AQP1: variants seen among roughly 807,000 people sequenced by gnomAD.
AQP1 encodes the protein aquaporin 1 (Colton blood group), also known as aquaporin-1.
In AQP1, 11 loss-of-function variants were observed where a neutral mutation model predicts 19.7. The observed-to-expected ratio is 0.56, with a 90% confidence interval of 0.35 to 0.92. The LOEUF (loss-of-function observed/expected upper bound fraction) is 0.92. AQP1 is among the 40% of genes least tolerant of loss of function. AQP1 has a pLI of 0.01. For missense variants in AQP1, 320 were observed against 369.7 expected (o/e 0.87, Z 1.10); for synonymous variants, 159 against 166.7 (o/e 0.95, Z 0.36).
chr7:30,922,318 C>T, intron 2 of AQP1, 88 bp downstream of exon 2: 2 of 1,496,042 alleles, frequency 1.3e-6, no homozygotes, highest in Non-Finnish European at 1.8e-6. Context: ...AGTGGGACTC[C>T]CGACAGGGCT....
rs907623223 is a variant in AQP1 at position 30,923,691 on chromosome 7, G to A, written c.*62G>A. The A allele has an allele frequency of 1.4e-5, 21 of 1,528,632 alleles. No individual in the cohort carries two copies. Among genetic ancestry groups the A allele is most frequent in the Non-Finnish European group, 1.8e-5 (20 of 1,136,558 alleles). The allele number at this position is 1,528,632 out of a possible 1,614,324, so 94.7% of individuals were successfully genotyped here. On this transcript the variant is annotated 3_prime_UTR_variant, in exon 4 of 4. Transcript: ENST00000311813. This position sits in a 1 kb window ranked among gnomAD's most constrained non-coding sequence, Gnocchi z 4.8. ...GGCAGGGGCGGGCGGAGGGAGGGGA[G>A]GGGTGAAATCCATACTGTAGACACT...
At chr7:30,919,497 T>C (rs1035007229) in intron 1 of AQP1, among the ~76,000 whole-genome samples, 1 of 151,578 alleles carries the variant, frequency 6.6e-6, no homozygotes, top group Non-Finnish European at 1.5e-5. Context: ...AACCCAGGGC[T>C]GCAGACAAAA....
chr7:30,922,060 C>G lies in AQP1; in HGVS notation c.385-6C>G, dbSNP rs1277252565. 1 of 1,613,730 alleles carries G rather than the reference C, an allele frequency of 6.2e-7. No homozygotes were observed. Among genetic ancestry groups the G allele is most frequent in the East Asian group, 2.2e-5 (1 of 44,890 alleles). ...CACCAGTCCTCACCACCTCTCTCCC[C>G]TGCAGCTGGCTGATGGTGTGAACTC... On this transcript the variant is annotated splice_polypyrimidine_tract_variant and splice_region_variant and intron_variant, in intron 1 of 3. Transcript: ENST00000311813.
At position 30,924,119 on chromosome 7, in the gene AQP1, C is replaced by T. The variant is rs963351718; in HGVS notation, c.*490C>T. On this transcript the variant is annotated 3_prime_UTR_variant, in exon 4 of 4. Transcript: ENST00000311813. ...CAGGAGGTGCAGTGGAGGGGGCAAG[C>T]TTTGCTCCTTCAGTTCTGCTTGCTC... The T allele has an allele frequency of 1.7e-6, 2 of 1,193,076 alleles. No homozygotes were observed. The highest frequency in any genetic ancestry group is 2.1e-6 in the Non-Finnish European group (2 of 943,794). The allele number at this position is 1,193,076 out of a possible 1,614,324, so 73.9% of individuals were successfully genotyped here. A position where few individuals can be genotyped will look rare whatever the true frequency, so the allele number is the denominator to read the frequency against.
At chr7:30,918,255 G>A (rs1365091676) in intron 1 of AQP1, among the ~76,000 whole-genome samples, 2 of 152,284 alleles carry the variant, frequency 1.3e-5, no homozygotes, top group Middle Eastern at 6.8e-3. Flanking sequence ...GCTTCTCAGA[G>A]TGCTGGGATT....
chr7:30,921,587 T>C, intron 1 of AQP1: 9 of 1,548,954 alleles, frequency 5.8e-6, no homozygotes, highest in Non-Finnish European at 7.9e-6. Context: ...GGAATTTAGA[T>C]GCAGTCGGGC....
At chr7:30,915,638 C>T (rs1045015193) in intron 1 of AQP1, among the ~76,000 whole-genome samples, 2 of 152,100 alleles carry the variant, frequency 1.3e-5, no homozygotes, top group Non-Finnish European at 2.9e-5. Flanking sequence ...GATTTCAGCC[C>T]GCTGGGCTCA....
chr7:30,921,731 G>C (rs1464135558), intron 1 of AQP1: 2 of 1,550,772 alleles, frequency 1.3e-6, no homozygotes, highest in Admixed American at 3.9e-5. Context: ...CTTGCCTCTG[G>C]TCTTGGTACC....
chr7:30,924,141 G>C lies in AQP1; in HGVS notation c.*512G>C, dbSNP rs28362742. The C allele has an allele frequency of 1.5e-4, 180 of 1,186,288 alleles. No individual in the cohort carries two copies. Among genetic ancestry groups the C allele is most frequent in the Non-Finnish European group, 1.7e-4 (164 of 940,584 alleles). The allele number at this position is 1,186,288 out of a possible 1,614,324, so 73.5% of individuals were successfully genotyped here. ...AAGCTTTGCTCCTTCAGTTCTGCTT[G>C]CTCCCAAGCCCCTGACCCGCTCGGA... On this transcript the variant is annotated 3_prime_UTR_variant, in exon 4 of 4. Coordinates refer to ENST00000311813, the MANE Select transcript of AQP1 (RefSeq NM_198098.4).
chr7:30,924,092 C>A lies in AQP1; in HGVS notation c.*463C>A. The A allele has an allele frequency of 6.6e-6, 8 of 1,204,216 alleles. No individual in the cohort carries two copies. Among genetic ancestry groups the A allele is most frequent in the Non-Finnish European group, 8.4e-6 (8 of 947,804 alleles). The allele number at this position is 1,204,216 out of a possible 1,614,324, so 74.6% of individuals were successfully genotyped here. On this transcript the variant is annotated 3_prime_UTR_variant, in exon 4 of 4. Coordinates refer to ENST00000311813, the MANE Select transcript of AQP1 (RefSeq NM_198098.4). ...AATGGTGCTTGGAGGGGGAAGAGAT[C>A]CCAGGAGGTGCAGTGGAGGGGGCAA...
Position 30,924,159 on chromosome 7 carries a change from C to G in AQP1, c.*530C>G. 2.6e-6 allele frequency: 3 copies of G among 1,163,708 alleles called. No individual in the cohort carries two copies. Among genetic ancestry groups the G allele is most frequent in the South Asian group, 1.8e-5 (1 of 54,728 alleles). The allele number at this position is 1,163,708 out of a possible 1,614,324, so 72.1% of individuals were successfully genotyped here. The stretch of plus-strand genomic sequence containing the variant: ...TCTGCTTGCTCCCAAGCCCCTGACC[C>G]GCTCGGACTTACTGCCTGACCTTGG... On this transcript the variant is annotated 3_prime_UTR_variant, in exon 4 of 4. Coordinates refer to ENST00000311813, the MANE Select transcript of AQP1 (RefSeq NM_198098.4).
intron 1 of AQP1, among the ~76,000 whole-genome samples, chr7:30,917,257 T>C (rs955347838): frequency 2.6e-5 from 4 of 152,074 alleles, no homozygotes; most frequent in Non-Finnish European, 4.4e-5. Flanking sequence ...CACACACACA[T>C]GGTACACAAA....
intron 1 of AQP1, among the ~76,000 whole-genome samples, chr7:30,916,646 T>C (rs1791362098): frequency 6.6e-6 from 1 of 152,150 alleles, no homozygotes; most frequent in African/African-American, 2.4e-5. Flanking sequence ...ACTCTGAGGC[T>C]GAAATCTCCA....
Position 30,923,432 on chromosome 7 carries a change from C to T in AQP1, c.631-18C>T, listed in dbSNP as rs151294803. On this transcript the variant is annotated intron_variant, in intron 3 of 3. Coordinates refer to ENST00000311813, the MANE Select transcript of AQP1 (RefSeq NM_198098.4). The surrounding 1 kb of genome is among the most constrained non-coding windows in gnomAD (Gnocchi z 4.8). The stretch of plus-strand genomic sequence containing the variant: ...GCTTTTGAGTGGAGCCCTCTGAACA[C>T]ACCTGCTCTGTTCCTAGATTTTCTG... 2,242 of 1,613,736 alleles carry T rather than the reference C, an allele frequency of 1.4e-3. 42 individuals are homozygous for T. The East Asian group carries it at 0.041, about 29-fold the overall frequency.
In AQP1 at chr7:30,922,093, G is replaced by A. The variant is rs1281058035; in HGVS notation, c.412G>A (p.Gly138Ser). 1 of 1,614,090 alleles carries A rather than the reference G, an allele frequency of 6.2e-7. No homozygotes were observed. Among genetic ancestry groups the A allele is most frequent in the Non-Finnish European group, 8.5e-7 (1 of 1,180,024 alleles). Residue 138 changes from glycine to serine, a missense_variant, in exon 2 of 4, where the codon GGC becomes AGC. Physicochemically the swap from Gly to Ser is moderately conservative, Grantham distance 56. Transcript: ENST00000311813. ...GGCTGATGGTGTGAACTCGGGCCAG[G>A]GCCTGGGCATCGAGATCATCGGGAC... Reference protein sequence around the residue: ...DLADGVNSGQGLGIEIIGTLQ... With the variant: ...DLADGVNSGQSLGIEIIGTLQ...
At chr7:30,919,554 T>TC (rs1562579152) in intron 1 of AQP1, among the ~76,000 whole-genome samples, 1 of 113,820 alleles carries the variant, frequency 8.8e-6, no homozygotes. Context: ...TTCTGATTCT[T>TC]ACTTTTTTTT....
intron 2 of AQP1, 40 bp downstream of exon 2, chr7:30,922,270 A>G: frequency 1.1e-6 from 1 of 923,450 alleles, no homozygotes; most frequent in Non-Finnish European, 1.6e-6. Flanking sequence ...GGGGGAAGGG[A>G]GGGCGGGGGC....
intron 1 of AQP1, among the ~76,000 whole-genome samples, chr7:30,913,953 G>T (rs763661423): frequency 6.6e-6 from 1 of 152,188 alleles, no homozygotes; most frequent in African/African-American, 2.4e-5. Context: ...TGGGCTGGGG[G>T]AGCGTCCCTG....
At position 30,923,647 on chromosome 7, in the gene AQP1, C is replaced by T. The variant is rs780739432; in HGVS notation, c.*18C>T. 2.9e-6 allele frequency: 4 copies of T among 1,397,796 alleles called. No homozygotes were observed. The highest frequency in any genetic ancestry group is 1.9e-6 in the Non-Finnish European group (2 of 1,046,526). The allele number at this position is 1,397,796 out of a possible 1,614,324, so 86.6% of individuals were successfully genotyped here. The stretch of plus-strand genomic sequence containing the variant: ...CCAAATAGAAGGGGTCTGGCCCGGG[C>T]ATCCACGTAGGGGGCAGGGGCAGGG... On this transcript the variant is annotated 3_prime_UTR_variant, in exon 4 of 4. Coordinates refer to ENST00000311813, the MANE Select transcript of AQP1 (RefSeq NM_198098.4). The surrounding 1 kb of genome is among the most constrained non-coding windows in gnomAD (Gnocchi z 4.8).
Sources: allele counts gnomAD v4.1 joint callset (sites outside exome capture counted in the v4.1 genomes callset), GRCh38; gene constraint gnomAD v4.1.1; non-coding constraint Gnocchi (gnomAD v3.1); transcripts MANE v1.5; gene names NCBI Gene and HGNC (gene_info 2026-07-23, HGNC 2026-07-21).